The following FAAH2 variants were observed in gnomAD, a reference collection of about 807,000 sequenced individuals.
FAAH2 encodes fatty-acid amide hydrolase 2.
FAAH2 carries 60 observed loss-of-function variants against 36.9 expected under a neutral mutation model. The observed-to-expected ratio is 1.63, with a 90% CI of 1.32 to 2.02. The LOEUF is 2.02. Ranked by LOEUF, FAAH2 falls within the 30% of genes most tolerant of loss-of-function variation. The pLI is 0.00. For synonymous variants in FAAH2, 214 were observed against 143.8 expected, an observed-to-expected ratio of 1.49 and a Z score of -3.49; for missense variants, 689 against 397.5, an observed-to-expected ratio of 1.73 and a Z score of -6.23.
At chrX:57,319,902 C>T (rs1232746974) in intron 3 of FAAH2, among the ~76,000 whole-genome samples, 1 of 111,586 alleles carries the variant, frequency 9.0e-6, no homozygotes, top group Non-Finnish European at 1.9e-5. Flanking sequence ...ACAAACCTGG[C>T]AAAAACAAGC....
chrX:57,255,260 G>T, the FAAH2 span, among the ~76,000 whole-genome samples: 1 of 111,497 alleles, frequency 9.0e-6, no homozygotes, highest in Non-Finnish European at 1.9e-5. Flanking sequence ...CTAATAACAG[G>T]TTCTGGCATT....
intron 3 of FAAH2, among the ~76,000 whole-genome samples, chrX:57,314,225 C>G (rs1280323981): frequency 4.5e-5 from 5 of 111,684 alleles, no homozygotes; most frequent in African/African-American, 1.6e-4. Flanking sequence ...CATTGGAGCA[C>G]TCAGATTCAC....
the FAAH2 span, among the ~76,000 whole-genome samples, chrX:57,140,417 C>CAAAAAAAAAA: frequency 1.5e-5 from 1 of 64,822 alleles, no homozygotes; most frequent in African/African-American, 6.6e-5. Context: ...CCATCTCTAC[C>CAAAAAAAAAA]AAAAAAAAAA....
the FAAH2 span, among the ~76,000 whole-genome samples, chrX:57,242,866 T>C: frequency 8.9e-6 from 1 of 112,141 alleles, no homozygotes; most frequent in Non-Finnish European, 1.9e-5. Context: ...AGCAGGAGTT[T>C]CTTTTCGTAA....
At chrX:57,323,682 G>GTTTT (rs141756561) in intron 3 of FAAH2, among the ~76,000 whole-genome samples, 2 of 63,502 alleles carry the variant, frequency 3.1e-5, no homozygotes, top group East Asian at 5.2e-4. Context: ...TGATGGGGTT[G>GTTTT]TTTTTTTTTT....
At chrX:57,411,095 C>T (rs781499996) in intron 7 of FAAH2, among the ~76,000 whole-genome samples, 2 of 111,853 alleles carry the variant, frequency 1.8e-5, no homozygotes, top group Admixed American at 9.5e-5. Context: ...AAGATCTTTA[C>T]CAGTGAGCCC....
intron 1 of FAAH2, among the ~76,000 whole-genome samples, chrX:57,289,500 C>G (rs2051914963): frequency 9.0e-6 from 1 of 110,795 alleles, no homozygotes. Context: ...ATCCGAAAGT[C>G]AATGAGGTTT....
At chrX:57,186,463 AC>A in the FAAH2 span, among the ~76,000 whole-genome samples, 1 of 111,222 alleles carries the variant, frequency 9.0e-6, no homozygotes, top group Non-Finnish European at 1.9e-5. Context: ...TTGATATTAG[AC>A]CTTTTTCACA....
chrX:57,328,107 C>A (rs767981280), intron 3 of FAAH2, among the ~76,000 whole-genome samples: 7 of 112,283 alleles, frequency 6.2e-5, no homozygotes, highest in Non-Finnish European at 1.1e-4. Flanking sequence ...AGGTCCCCTG[C>A]AGACCCTGTT....
rs1311105729 is a variant in FAAH2, at chrX:57,290,227, A to C, written c.193-2271A>C. On this transcript the variant is annotated intron_variant, in intron 1 of 10. Coordinates refer to ENST00000374900, the MANE Select transcript of FAAH2 (RefSeq NM_174912.4). Reference sequence around the variant, plus strand: ...TTTTTTTTTTTTTCTCACGTGCTGCATGCTACAAACTCAATTACGGTAGCA... The same window carrying C: ...TTTTTTTTTTTTTCTCACGTGCTGCCTGCTACAAACTCAATTACGGTAGCA... 8 of 724,262 alleles carry C rather than the reference A, an allele frequency of 1.1e-5. No individual in the cohort carries two copies. The Admixed American group carries it at 8.0e-4, about 73-fold the overall frequency. 59.7% of individuals were successfully genotyped at this position (724,262 alleles called of 1,213,427 possible). A position where few individuals can be genotyped will look rare whatever the true frequency, so the allele number is the denominator to read the frequency against.
intron 2 of FAAH2, among the ~76,000 whole-genome samples, chrX:57,294,298 A>T (rs765696582): frequency 8.9e-6 from 1 of 112,436 alleles, no homozygotes; most frequent in South Asian, 3.7e-4. Context: ...GATTAAAATC[A>T]CACAGCTACA....
chrX:57,204,514 G>C, the FAAH2 span, among the ~76,000 whole-genome samples: 1 of 111,916 alleles, frequency 8.9e-6, no homozygotes, highest in East Asian at 2.8e-4. Flanking sequence ...TTCAGCATCT[G>C]GCTCATGATA....
At chrX:57,196,343 C>T in the FAAH2 span, among the ~76,000 whole-genome samples, 2 of 110,163 alleles carry the variant, frequency 1.8e-5, no homozygotes, top group African/African-American at 6.7e-5. Context: ...TGATTGAGTT[C>T]TTGATTTGAT....
intron 2 of FAAH2, among the ~76,000 whole-genome samples, chrX:57,299,463 A>G (rs1387269878): frequency 2.7e-5 from 3 of 111,483 alleles, no homozygotes; most frequent in Non-Finnish European, 5.7e-5. Context: ...TCTCAAAATA[A>G]TAAGAGCTAT....
chrX:57,256,807 G>A, the FAAH2 span, among the ~76,000 whole-genome samples: 3 of 111,995 alleles, frequency 2.7e-5, no homozygotes, highest in African/African-American at 9.7e-5. Flanking sequence ...GTGACAAAGG[G>A]CTAATATCCA....
rs189686541 is a variant in FAAH2, at chrX:57,352,689, T to C, written c.742+11299T>C. Reference sequence around the variant, plus strand: ...TTAAATAATCTCTGTTTGCCAAAGATATAATCTTAGATATAGAAAAACCCT... The same window carrying C: ...TTAAATAATCTCTGTTTGCCAAAGACATAATCTTAGATATAGAAAAACCCT... On this transcript the variant is annotated intron_variant, in intron 5 of 10. Coordinates refer to ENST00000374900, the MANE Select transcript of FAAH2 (RefSeq NM_174912.4). 1.7e-3 allele frequency among the ~76,000 whole-genome samples: 187 copies of C among 111,242 alleles called. 1 individual carries two copies. Among genetic ancestry groups the C allele is most frequent in the African/African-American group, 5.8e-3 (178 of 30,867 alleles).
At chrX:57,472,458 T>C (rs1343195844) in intron 10 of FAAH2, among the ~76,000 whole-genome samples, 1 of 111,992 alleles carries the variant, frequency 8.9e-6, no homozygotes, top group East Asian at 2.8e-4. Context: ...TGTTCTTTCA[T>C]GTTTTTAATA....
chrX:57,430,052 G>A (rs1393818307), intron 7 of FAAH2, among the ~76,000 whole-genome samples: 3 of 111,043 alleles, frequency 2.7e-5, no homozygotes, highest in Non-Finnish European at 3.8e-5. Flanking sequence ...GATCAGAGGG[G>A]GTGAAGGATG....
At chrX:57,282,908 G>A (rs969955385), upstream of FAAH2, among the ~76,000 whole-genome samples, 1 of 112,254 alleles carries the variant, frequency 8.9e-6, no homozygotes, top group Non-Finnish European at 1.9e-5. Flanking sequence ...CAACCTTGTG[G>A]TGAGCTCATC....
Sources: gnomAD v4.1 joint callset for allele counts (sites outside exome capture counted in the v4.1 genomes callset) on GRCh38, gnomAD v4.1.1 for gene constraint, MANE v1.5 for transcripts, NCBI Gene and HGNC (gene_info 2026-07-23, HGNC 2026-07-21) for gene names.